ZDHHC21: variants seen among roughly 807,000 people sequenced by gnomAD.
ZDHHC21 encodes palmitoyltransferase ZDHHC21.
In ZDHHC21, 15 loss-of-function variants were observed where a neutral mutation model predicts 34.6. The ratio of observed to expected loss-of-function variants is 0.43; its 90% CI spans 0.29 to 0.67. The LOEUF is 0.67. ZDHHC21 is among the 30% of genes least tolerant of loss of function. ZDHHC21 has a pLI of 0.14. For missense variants in ZDHHC21, 344 were observed against 327.7 expected, an observed-to-expected ratio of 1.05 and a Z score of -0.38; for synonymous variants, 142 against 101.8, an observed-to-expected ratio of 1.40 and a Z score of -2.38.
chr9:14,603,099 C>G, the ZDHHC21 span, among the ~76,000 whole-genome samples: 112 of 152,010 alleles, frequency 7.4e-4, 1 homozygote, highest in African/African-American at 2.6e-3. Context: ...ATTGAATATT[C>G]CATATTTTGA....
chr9:14,669,480 T>G (rs1348341145), intron 5 of ZDHHC21, among the ~76,000 whole-genome samples: 3 of 151,140 alleles, frequency 2.0e-5, no homozygotes, highest in African/African-American at 7.3e-5. Flanking sequence ...AAATACCATT[T>G]GACCCAGCCA....
At chr9:14,681,733 G>GTGTGTA (rs1269608048) in intron 2 of ZDHHC21, among the ~76,000 whole-genome samples, 3 of 47,232 alleles carry the variant, frequency 6.4e-5, no homozygotes, top group Non-Finnish European at 1.9e-4. Flanking sequence ...GGGGAATGGT[G>GTGTGTA]TGTGTGTGTG....
chr9:14,633,390 T>C (rs1827699304), intron 8 of ZDHHC21, among the ~76,000 whole-genome samples: 1 of 152,080 alleles, frequency 6.6e-6, no homozygotes, highest in Non-Finnish European at 1.5e-5. Context: ...GACTCCTGCA[T>C]CCTAGCTAGA....
chr9:14,640,104 C>T, intron 7 of ZDHHC21, 92 bp from the exon 8 acceptor site: 1 of 625,410 alleles, frequency 1.6e-6, no homozygotes, highest in Non-Finnish European at 2.8e-6. Flanking sequence ...CATAACACAT[C>T]TTCCTTATTA....
At chr9:14,692,629 C>G (rs2131739693) in intron 1 of ZDHHC21, among the ~76,000 whole-genome samples, 1 of 142,338 alleles carries the variant, frequency 7.0e-6, no homozygotes, top group South Asian at 2.5e-4. Context: ...TACAATCCAG[C>G]GACCTGTTAC....
intron 8 of ZDHHC21, among the ~76,000 whole-genome samples, chr9:14,635,035 C>T (rs1828021276): frequency 6.6e-6 from 1 of 151,696 alleles, no homozygotes; most frequent in Non-Finnish European, 1.5e-5. Flanking sequence ...AAATGAAATA[C>T]AAAATACATT....
intron 7 of ZDHHC21, among the ~76,000 whole-genome samples, chr9:14,651,202 A>G (rs924703461): frequency 6.6e-6 from 1 of 151,926 alleles, no homozygotes; most frequent in Non-Finnish European, 1.5e-5. Flanking sequence ...GATATAACAG[A>G]CTGCCTCAAT....
chr9:14,662,208 T>G lies in ZDHHC21; in HGVS notation c.365+7A>C, dbSNP rs375642399. 5 of 1,583,520 alleles carry G rather than the reference T, an allele frequency of 3.2e-6. No homozygotes were observed. The highest frequency in any genetic ancestry group is 1.2e-5 in the South Asian group (1 of 85,658). On this transcript the variant is annotated splice_region_variant and intron_variant, in intron 6 of 9. Transcript: ENST00000380916. ...TCTTTTCTTTGCTAGAAGTGAATTATTCTTACCATGGACAGTGATGATCCA... is the reference window on the plus strand; with the variant it reads ...TCTTTTCTTTGCTAGAAGTGAATTAGTCTTACCATGGACAGTGATGATCCA...
the ZDHHC21 span, among the ~76,000 whole-genome samples, chr9:14,595,366 A>T: frequency 1.3e-5 from 2 of 152,210 alleles, no homozygotes; most frequent in Non-Finnish European, 2.9e-5. Flanking sequence ...TACAACATAG[A>T]TAAACCTCAA....
At chr9:14,664,883 T>C (rs1834118913) in intron 5 of ZDHHC21, among the ~76,000 whole-genome samples, 2 of 150,668 alleles carry the variant, frequency 1.3e-5, no homozygotes, top group Non-Finnish European at 3.0e-5. Flanking sequence ...GTAGATAAAA[T>C]CACAAAGATG....
chr9:14,663,421 T>A (rs988005629), intron 5 of ZDHHC21, among the ~76,000 whole-genome samples: 2 of 151,168 alleles, frequency 1.3e-5, no homozygotes, highest in Admixed American at 1.3e-4. Context: ...AATCAAAAAA[T>A]GAAAGATTCT....
chr9:14,599,071 G>C, the ZDHHC21 span, among the ~76,000 whole-genome samples: 8 of 152,264 alleles, frequency 5.3e-5, no homozygotes, highest in East Asian at 1.5e-3. Flanking sequence ...CCCTGAGTGT[G>C]AAATTTAACG....
rs1331092960 is a variant in ZDHHC21 at position 14,616,096 on chromosome 9, G to C, written c.*2870C>G. 1 of 151,640 alleles carries C rather than the reference G, an allele frequency of 6.6e-6. No individual in the cohort carries two copies. Among genetic ancestry groups the C allele is most frequent in the Non-Finnish European group, 1.5e-5 (1 of 67,684 alleles). 9.4% of individuals were successfully genotyped at this position (151,640 alleles called of 1,614,324 possible). A position where few individuals can be genotyped will look rare whatever the true frequency, so the allele number is the denominator to read the frequency against. ...TAGTTATTTTAAGGCAATAGAGCCAGTAAAAAAATCATTTCAAAACTGAGT... is the reference window on the plus strand; with the variant it reads ...TAGTTATTTTAAGGCAATAGAGCCACTAAAAAAATCATTTCAAAACTGAGT... On this transcript the variant is annotated 3_prime_UTR_variant, in exon 10 of 10. Transcript: ENST00000380916.
chr9:14,693,309 C>A lies in ZDHHC21; in HGVS notation c.-305G>T, dbSNP rs1482288160. 9.6e-6 allele frequency: 4 copies of A among 416,436 alleles called. No individual in the cohort carries two copies. The East Asian group carries it at 4.6e-4, about 48-fold the overall frequency. 25.8% of individuals were successfully genotyped at this position (416,436 alleles called of 1,614,324 possible). On this transcript the variant is annotated 5_prime_UTR_variant, in exon 1 of 10. An upstream open reading frame in the 5' UTR gains an earlier in-frame stop. Transcript: ENST00000380916. ...TTCCCCTCCTCCTGCCGCGCCACCT[C>A]CGCCTCCTCCGGCGCCGCCGCCCAG...
intron 8 of ZDHHC21, chr9:14,622,782 AACC>A (rs1825530711): frequency 2.1e-6 from 2 of 968,496 alleles, no homozygotes; most frequent in African/African-American, 3.5e-5. Flanking sequence ...GGACCTGTTT[AACC>A]CTGCAAACAA....
intron 2 of ZDHHC21, among the ~76,000 whole-genome samples, chr9:14,689,938 G>C (rs1469743996): frequency 6.6e-6 from 1 of 152,046 alleles, no homozygotes; most frequent in Non-Finnish European, 1.5e-5. Flanking sequence ...ACGAATTAAA[G>C]ACCACCAAAT....
At chr9:14,666,481 G>C (rs1473525622) in intron 5 of ZDHHC21, among the ~76,000 whole-genome samples, 3 of 98,584 alleles carry the variant, frequency 3.0e-5, no homozygotes, top group Non-Finnish European at 4.5e-5. Flanking sequence ...ATTGAACTCA[G>C]CTCTGCACCA....
chr9:14,620,088 T>C (rs1825025382), intron 8 of ZDHHC21, among the ~76,000 whole-genome samples: 2 of 152,016 alleles, frequency 1.3e-5, no homozygotes, highest in South Asian at 4.1e-4. Flanking sequence ...GAAAACTGCC[T>C]AAGAGTCAGG....
At chr9:14,641,235 T>A (rs1374439267) in intron 7 of ZDHHC21, among the ~76,000 whole-genome samples, 1 of 152,148 alleles carries the variant, frequency 6.6e-6, no homozygotes, top group Non-Finnish European at 1.5e-5. Context: ...TCCACATTAC[T>A]TATTCATTAG....
Sources: allele counts gnomAD v4.1 joint callset (sites outside exome capture counted in the v4.1 genomes callset), GRCh38; gene constraint gnomAD v4.1.1; transcripts MANE v1.5; gene names NCBI Gene and HGNC (gene_info 2026-07-23, HGNC 2026-07-21).